Variants in PNPLA1 observed in about 807,000 individuals in gnomAD.
The protein encoded by PNPLA1 is omega-hydroxyceramide transacylase.
A neutral mutation model predicts 51.7 loss-of-function variants in PNPLA1; 36 were observed. That is an observed-to-expected ratio of 0.70 (90% CI 0.53 to 0.92). The LOEUF is 0.92. Among genes scored for constraint, PNPLA1 ranks in the 40% least tolerant of loss-of-function variants. The pLI, the probability that PNPLA1 is intolerant of heterozygous loss-of-function variation, is 0.00. For synonymous variants in PNPLA1, 293 were observed against 280.1 expected (o/e 1.05, Z -0.46); for missense variants, 658 against 682.5 (o/e 0.96, Z 0.40).
intron 2 of PNPLA1, among the ~76,000 whole-genome samples, chr6:36,292,042 C>T (rs988527289): frequency 6.6e-6 from 1 of 152,176 alleles, no homozygotes; most frequent in African/African-American, 2.4e-5. Context: ...CACGCTAATC[C>T]TGAGTGCGCT....
At chr6:36,247,635 G>C (rs777455094) in intron 1 of PNPLA1, among the ~76,000 whole-genome samples, 1 of 152,192 alleles carries the variant, frequency 6.6e-6, no homozygotes, top group African/African-American at 2.4e-5. Context: ...AAAAGCAGAG[G>C]GGGGACGTTG....
rs1269916609 is a variant in PNPLA1, at chr6:36,273,018, G to T, written c.205+2354G>T. ...GCCTGTAATCCCAGCACTTTGGAAG[G>T]CTGAGACAGGTGGATCAGGGGTTCA... On this transcript the variant is annotated intron_variant, in intron 1 of 8. Coordinates refer to ENST00000636260, the MANE Select transcript of PNPLA1 (RefSeq NM_001374623.1). 2.6e-5 allele frequency among the ~76,000 whole-genome samples: 4 copies of T among 152,090 alleles called. 1 individual carries two copies. Among genetic ancestry groups the T allele is most frequent in the Admixed American group, 1.3e-4 (2 of 15,276 alleles).
At position 36,302,085 on chromosome 6, in the gene PNPLA1, A is replaced by G; in HGVS notation, c.1000A>G (p.Thr334Ala). The G allele has an allele frequency of 3.7e-6, 6 of 1,614,190 alleles. No individual in the cohort carries two copies. The highest frequency in any genetic ancestry group is 5.1e-6 in the Non-Finnish European group (6 of 1,180,032). Residue 334 changes from threonine (T) to alanine (A), a missense_variant, in exon 6 of 9, where the codon ACA (threonine) becomes GCA (alanine). Thr to Ala is a moderately conservative substitution (Grantham distance 58). Coordinates refer to ENST00000636260, the MANE Select transcript of PNPLA1 (RefSeq NM_001374623.1). ...TCCGCCTGTGTCCCAACCTGTGCAGACACTTGAATTCACATGCGAGTCACC... is the reference window on the plus strand; with the variant it reads ...TCCGCCTGTGTCCCAACCTGTGCAGGCACTTGAATTCACATGCGAGTCACC... ...HGPPVSQPVQ[T>A]LEFTCESPVS... is the part of the protein sequence containing the mutation.
intron 1 of PNPLA1, among the ~76,000 whole-genome samples, chr6:36,278,959 A>G (rs556694397): frequency 8.2e-4 from 125 of 152,312 alleles, no homozygotes; most frequent in Non-Finnish European, 1.3e-3. Flanking sequence ...AAAGCAGGGG[A>G]AGGATGGGAG....
chr6:36,245,692 T>C (rs1232245505), intron 1 of PNPLA1, among the ~76,000 whole-genome samples: 2 of 152,242 alleles, frequency 1.3e-5, no homozygotes, highest in Non-Finnish European at 2.9e-5. Flanking sequence ...TTGTCATTTA[T>C]CTTCAAGGAG....
rs1770809846 is a variant in PNPLA1 at position 36,294,852 on chromosome 6, C to CTGG, written c.714+453_714+454insTGG. Among the ~76,000 whole-genome samples the CTGG allele has an allele frequency of 6.6e-6, 1 of 152,196 alleles. No homozygotes were observed. On this transcript the variant is annotated intron_variant, in intron 4 of 8. Transcript: ENST00000636260. This position sits in a 1 kb window ranked among gnomAD's most constrained non-coding sequence, Gnocchi z 4.2. ...ACATTAGGCAGAGACTGCATGTGGCCAGCAAAGCCCAAAATAAGTATTTAC... is the reference window on the plus strand; with the variant it reads ...ACATTAGGCAGAGACTGCATGTGGCCTGGAGCAAAGCCCAAAATAAGTATTTAC...
chr6:36,294,176 C>T lies in PNPLA1; in HGVS notation c.505-14C>T. 1 of 1,613,552 alleles carries T rather than the reference C, an allele frequency of 6.2e-7. No individual in the cohort carries two copies. The highest frequency in any genetic ancestry group is 8.5e-7 in the Non-Finnish European group (1 of 1,179,632). ...TCTGGCCCCAAGTGGGCATTTCTCA[C>T]TCTGCCCCCACAGAGGTACATCGAT... On this transcript the variant is annotated splice_polypyrimidine_tract_variant and intron_variant, in intron 3 of 8. Coordinates refer to ENST00000636260, the MANE Select transcript of PNPLA1 (RefSeq NM_001374623.1). This position sits in a 1 kb window ranked among gnomAD's most constrained non-coding sequence, Gnocchi z 4.2.
chr6:36,292,285 C>T (rs185841852), intron 2 of PNPLA1, among the ~76,000 whole-genome samples: 1 of 152,068 alleles, frequency 6.6e-6, no homozygotes, highest in Admixed American at 6.5e-5. Context: ...GCACAGACAC[C>T]ACCTCCGTCC....
chr6:36,280,551 A>G (rs1770248245), intron 1 of PNPLA1, among the ~76,000 whole-genome samples: 1 of 152,192 alleles, frequency 6.6e-6, no homozygotes, highest in Non-Finnish European at 1.5e-5. Flanking sequence ...ACCTTGTAAT[A>G]GCCCAGCAGC....
chr6:36,270,437 G>T lies in PNPLA1; in HGVS notation c.-23G>T, dbSNP rs1245867344. On this transcript the variant is annotated 5_prime_UTR_variant, in exon 1 of 9. Coordinates refer to ENST00000636260, the MANE Select transcript of PNPLA1 (RefSeq NM_001374623.1). ...GTGCTGAAGGGTGGCTCCGCCTTCCGCAGAAAGTCAGAGGCCGAGGAGATG... is the reference window on the plus strand; with the variant it reads ...GTGCTGAAGGGTGGCTCCGCCTTCCTCAGAAAGTCAGAGGCCGAGGAGATG... 1.3e-6 allele frequency: 2 copies of T among 1,550,162 alleles called. No individual in the cohort carries two copies. Among genetic ancestry groups the T allele is most frequent in the South Asian group, 1.2e-5 (1 of 84,038 alleles).
intron 5 of PNPLA1, 102 bp downstream of exon 5, chr6:36,295,526 C>T (rs1582086805): frequency 1.6e-6 from 2 of 1,247,474 alleles, no homozygotes; most frequent in East Asian, 2.4e-5. Flanking sequence ...AGATTTGTGA[C>T]CCGGAGACGC....
At chr6:36,251,272 G>GGA (rs1384473305) in intron 1 of PNPLA1, among the ~76,000 whole-genome samples, 1 of 152,104 alleles carries the variant, frequency 6.6e-6, no homozygotes, top group East Asian at 1.9e-4. Context: ...CATCCAGGCT[G>GGA]GAGTACAGTG....
chr6:36,248,844 C>T (rs948858443), intron 1 of PNPLA1, among the ~76,000 whole-genome samples: 1 of 152,120 alleles, frequency 6.6e-6, no homozygotes, highest in Non-Finnish European at 1.5e-5. Context: ...GCAAACGTCC[C>T]CCCACCAAAA....
At chr6:36,262,433 C>A (rs1474921069) in intron 1 of PNPLA1, among the ~76,000 whole-genome samples, 3 of 152,220 alleles carry the variant, frequency 2.0e-5, no homozygotes, top group African/African-American at 7.2e-5. Context: ...CCCTCTTCAC[C>A]TCAGAATATT....
intron 1 of PNPLA1, among the ~76,000 whole-genome samples, chr6:36,276,420 C>T (rs1770099614): frequency 6.6e-6 from 1 of 152,142 alleles, no homozygotes. Context: ...CAGTTCAAGG[C>T]ACATGAAAAT....
chr6:36,266,736 T>C (rs1769769146), upstream of PNPLA1, among the ~76,000 whole-genome samples: 1 of 152,212 alleles, frequency 6.6e-6, no homozygotes, highest in Non-Finnish European at 1.5e-5. Flanking sequence ...ATTTGTCTGA[T>C]TGTTTGCACC....
At position 36,307,652 on chromosome 6, in the gene PNPLA1, G is replaced by A. The variant is rs1771282876; in HGVS notation, c.1535G>A (p.Ser512Asn). The A allele has an allele frequency of 6.2e-7, 1 of 1,613,968 alleles. No homozygotes were observed. The highest frequency in any genetic ancestry group is 1.1e-5 in the South Asian group (1 of 91,074). Residue 512 changes from serine (S) to asparagine (N), a missense_variant, in exon 8 of 9, where the codon AGT becomes AAT. Ser to Asn is a conservative substitution (Grantham distance 46). Transcript: ENST00000636260. ...KVFKKNKQKT[S>N]GTRKGFPRHS... The stretch of plus-strand genomic sequence containing the variant: ...TTCAAGAAGAACAAGCAAAAGACAA[G>A]TGGCACCAGAAAAGGCTTCCCAAGA...
chr6:36,283,777 T>C (rs1770392659), intron 1 of PNPLA1, among the ~76,000 whole-genome samples: 1 of 152,220 alleles, frequency 6.6e-6, no homozygotes, highest in Admixed American at 6.5e-5. Context: ...AGACCTCAAG[T>C]CCAGCTGAGT....
chr6:36,269,934 G>A (rs1441886579), upstream of PNPLA1, among the ~76,000 whole-genome samples: 2 of 152,230 alleles, frequency 1.3e-5, no homozygotes, highest in Non-Finnish European at 2.9e-5. Flanking sequence ...CTCCTGGAGG[G>A]AGGCGGGCTT....
Sources: gnomAD v4.1 joint callset for allele counts (sites outside exome capture counted in the v4.1 genomes callset) on GRCh38, gnomAD v4.1.1 for gene constraint, Gnocchi (gnomAD v3.1) non-coding constraint, MANE v1.5 for transcripts, NCBI Gene and HGNC (gene_info 2026-07-23, HGNC 2026-07-21) for gene names.